Variants in AMPH observed in about 807,000 individuals in gnomAD.
The protein encoded by AMPH is amphiphysin, also known as amphiphysin (Stiff-Mann syndrome with breast cancer 128kD autoantigen).
A neutral mutation model predicts 99.1 loss-of-function variants in AMPH; 49 were observed. The ratio of observed to expected loss-of-function variants is 0.49; its 90% CI spans 0.39 to 0.63. AMPH has a LOEUF of 0.63. Ranked by LOEUF, AMPH falls within the 20% of genes least tolerant of loss-of-function variation. AMPH has a pLI of 0.00. For synonymous variants in AMPH, 314 were observed against 317.3 expected, an observed-to-expected ratio of 0.99 and a Z score of 0.11; for missense variants, 759 against 863.4, an observed-to-expected ratio of 0.88 and a Z score of 1.52.
In AMPH at chr7:38,391,984, C is replaced by A; in HGVS notation, c.1642G>T (p.Ala548Ser). 1.2e-6 allele frequency: 2 copies of A among 1,608,610 alleles called. No homozygotes were observed. Among genetic ancestry groups the A allele is most frequent in the Non-Finnish European group, 1.7e-6 (2 of 1,179,952 alleles). Residue 548 changes from alanine to serine, a missense_variant, in exon 19 of 21, where the codon GCC (alanine) becomes TCC (serine). Ala to Ser is a moderately conservative substitution (Grantham distance 99). Around this residue, in one of 2 missense-constraint regions of AMPH, gnomAD observed 554 missense variants for 575.6 expected, o/e 0.96. Coordinates refer to ENST00000356264, the MANE Select transcript of AMPH (RefSeq NM_001635.4). The stretch of plus-strand genomic sequence containing the variant: ...TCTCCTTCCTCTTCATGGTTGGAGG[C>A]AGGCTCTATGACCACCGAAGGAATG... ...KVIPSVVIEPASNHEEEGENE... is the reference protein window; with the variant it reads ...KVIPSVVIEPSSNHEEEGENE...
intron 12 of AMPH, among the ~76,000 whole-genome samples, chr7:38,435,461 T>C (rs1786224531): frequency 6.6e-6 from 1 of 152,256 alleles, no homozygotes; most frequent in African/African-American, 2.4e-5. Context: ...CTAGCAACTT[T>C]GGATTTGCCT....
chr7:38,413,743 A>G (rs892832110), intron 17 of AMPH, among the ~76,000 whole-genome samples: 9 of 152,220 alleles, frequency 5.9e-5, no homozygotes, highest in Non-Finnish European at 1.0e-4. Context: ...AGCATGCTTC[A>G]GTGTAAGCCC....
intron 16 of AMPH, among the ~76,000 whole-genome samples, chr7:38,419,929 G>T (rs1398706166): frequency 6.6e-6 from 1 of 152,194 alleles, no homozygotes; most frequent in East Asian, 1.9e-4. Flanking sequence ...TTTCTTAGAA[G>T]TCTGAAGAAA....
At chr7:38,485,959 A>G (rs1788475156) in intron 5 of AMPH, among the ~76,000 whole-genome samples, 2 of 152,074 alleles carry the variant, frequency 1.3e-5, no homozygotes, top group South Asian at 4.1e-4. Flanking sequence ...AAAAAGCTGT[A>G]CTAAGTGGAA....
Position 38,582,478 on chromosome 7 carries a change from A to G in AMPH, c.70-47467T>C, listed in dbSNP as rs558230960. ...CTTTCCATGCATCAACAGAGTCAAA[A>G]CTACTCTTATTCTTTCATAAGTTTA... On this transcript the variant is annotated intron_variant, in intron 1 of 20. Coordinates refer to ENST00000356264, the MANE Select transcript of AMPH (RefSeq NM_001635.4). Among the ~76,000 whole-genome samples, 6 of 152,308 alleles carry G rather than the reference A, an allele frequency of 3.9e-5. No homozygotes were observed. The East Asian group carries it at 9.6e-4, about 24-fold the overall frequency.
At chr7:38,525,726 C>T (rs1790163090) in intron 2 of AMPH, among the ~76,000 whole-genome samples, 1 of 152,120 alleles carries the variant, frequency 6.6e-6, no homozygotes, top group African/African-American at 2.4e-5. Flanking sequence ...TGGATTTTTT[C>T]ACTCAGAATA....
At chr7:38,402,260 A>C (rs993252436) in intron 17 of AMPH, among the ~76,000 whole-genome samples, 4 of 152,182 alleles carry the variant, frequency 2.6e-5, no homozygotes, top group Non-Finnish European at 4.4e-5. Context: ...TTTTACTGAC[A>C]ACAAAAAGGA....
chr7:38,563,741 T>C (rs1398548712), intron 1 of AMPH, among the ~76,000 whole-genome samples: 1 of 152,228 alleles, frequency 6.6e-6, no homozygotes, highest in African/African-American at 2.4e-5. Context: ...ATATAAGTGC[T>C]CTGTTACCAA....
At position 38,431,569 on chromosome 7, in the gene AMPH, G is replaced by A. The variant is rs145115957; in HGVS notation, c.1158+620C>T. 0.019 allele frequency among the ~76,000 whole-genome samples: 2,858 copies of A among 151,774 alleles called. 221 individuals carry two copies. In the East Asian group the frequency reaches 0.28, roughly 15 times the overall value. On this transcript the variant is annotated intron_variant, in intron 13 of 20. Transcript: ENST00000356264. ...TACTTGGGAGGCTGAGGCAGGAGAA[G>A]GGTGTGAACCCGGGAGGCGGAGCTT...
intron 12 of AMPH, among the ~76,000 whole-genome samples, chr7:38,433,223 C>T (rs1786108077): frequency 1.3e-5 from 2 of 152,222 alleles, no homozygotes; most frequent in South Asian, 4.1e-4. Context: ...ACCCACCCAC[C>T]TGGTTGGGTC....
intron 11 of AMPH, among the ~76,000 whole-genome samples, chr7:38,449,931 T>C (rs1334402020): frequency 6.6e-6 from 1 of 152,180 alleles, no homozygotes; most frequent in Non-Finnish European, 1.5e-5. Flanking sequence ...GAAAAAACCA[T>C]TTCATGGACT....
chr7:38,451,304 CGT>C (rs1307365495), intron 11 of AMPH, among the ~76,000 whole-genome samples: 4 of 149,840 alleles, frequency 2.7e-5, no homozygotes, highest in Non-Finnish European at 2.9e-5. Flanking sequence ...CACATATATA[CGT>C]GTGTATATAC....
At chr7:38,561,144 G>A (rs1265756215) in intron 1 of AMPH, among the ~76,000 whole-genome samples, 2 of 152,182 alleles carry the variant, frequency 1.3e-5, no homozygotes, top group Non-Finnish European at 2.9e-5. Flanking sequence ...AACAGGGAAG[G>A]CATATGGCCA....
At chr7:38,432,233 A>T (rs1401460219) in intron 12 of AMPH, 21 bp from the exon 13 acceptor site, 4 of 1,606,156 alleles carry the variant, frequency 2.5e-6, no homozygotes, top group Non-Finnish European at 2.6e-6. Flanking sequence ...ATAAACAAAA[A>T]TACTGTTAGT....
rs1426482658 is a variant in AMPH, at chr7:38,462,697, C to T, written c.888+278G>A. 2.0e-5 allele frequency among the ~76,000 whole-genome samples: 3 copies of T among 152,142 alleles called. No individual in the cohort carries two copies. The South Asian group carries it at 6.2e-4, about 32-fold the overall frequency. On this transcript the variant is annotated intron_variant, in intron 10 of 20. Coordinates refer to ENST00000356264, the MANE Select transcript of AMPH (RefSeq NM_001635.4). ...GCATTGAAAGAAAAGAGTTTTGTAG[C>T]AAGAGATAGGAGAAGAGAGAGCATG...
chr7:38,543,466 T>TA (rs1038056141), intron 1 of AMPH, among the ~76,000 whole-genome samples: 3 of 152,128 alleles, frequency 2.0e-5, no homozygotes, highest in African/African-American at 7.2e-5. Context: ...TTTCCTCTTA[T>TA]AAAAAATGCC....
chr7:38,552,153 T>C (rs532581196), intron 1 of AMPH, among the ~76,000 whole-genome samples: 2 of 152,368 alleles, frequency 1.3e-5, no homozygotes, highest in East Asian at 1.9e-4. Flanking sequence ...ATTTTTCTTT[T>C]CTGACAAGAG....
intron 11 of AMPH, among the ~76,000 whole-genome samples, chr7:38,452,383 T>C (rs1416102099): frequency 6.6e-6 from 1 of 152,238 alleles, no homozygotes; most frequent in Admixed American, 6.5e-5. Context: ...TCCTTGCAGT[T>C]AGCATCTCAT....
chr7:38,446,296 T>G (rs6970622), intron 11 of AMPH, among the ~76,000 whole-genome samples: 7,318 of 152,290 alleles, frequency 0.048, 344 homozygotes, highest in African/African-American at 0.12. Flanking sequence ...ATGATCTAGC[T>G]AGTTTATCCC....
Sources: gnomAD v4.1 joint callset for allele counts (sites outside exome capture counted in the v4.1 genomes callset) on GRCh38, gnomAD v4.1.1 for gene constraint, gnomAD v4.1.1 regional missense constraint, MANE v1.5 for transcripts, NCBI Gene and HGNC (gene_info 2026-07-23, HGNC 2026-07-21) for gene names.